Variants in SNX29 observed in about 807,000 individuals in gnomAD.
SNX29 encodes the protein sorting nexin-29.
A neutral mutation model predicts 102.1 loss-of-function variants in SNX29; 78 were observed. The observed-to-expected ratio is 0.76, with a 90% confidence interval of 0.64 to 0.92. The LOEUF (loss-of-function observed/expected upper bound fraction) is 0.92, where lower values mean the gene tolerates loss of function less well. Ranked by LOEUF, SNX29 falls within the 40% of genes least tolerant of loss-of-function variation. SNX29 has a pLI of 0.00. For synonymous variants in SNX29, 580 were observed against 414.5 expected, an observed-to-expected ratio of 1.40 and a Z score of -4.85; for missense variants, 1,280 against 1,061.7, an observed-to-expected ratio of 1.21 and a Z score of -2.86.
At chr16:12,562,464 T>C (rs1200960192) in intron 20 of SNX29, among the ~76,000 whole-genome samples, 3 of 152,166 alleles carry the variant, frequency 2.0e-5, no homozygotes, top group Non-Finnish European at 4.4e-5. Flanking sequence ...TCCCCCTTCA[T>C]AGGCTAGGAA....
chr16:12,116,588 C>T (rs1379820708), intron 11 of SNX29, among the ~76,000 whole-genome samples: 2 of 152,182 alleles, frequency 1.3e-5, no homozygotes, highest in East Asian at 1.9e-4. Context: ...GCATGAGAAT[C>T]ACTTGAACCC....
At chr16:12,026,541 A>G (rs1020700672) in intron 3 of SNX29, among the ~76,000 whole-genome samples, 21 of 152,204 alleles carry the variant, frequency 1.4e-4, no homozygotes, top group African/African-American at 5.1e-4. Context: ...GAAGATTGCT[A>G]AGATCAAGTG....
chr16:12,105,888 G>C (rs1436248407), intron 11 of SNX29, among the ~76,000 whole-genome samples: 1 of 152,094 alleles, frequency 6.6e-6, no homozygotes, highest in East Asian at 1.9e-4. Context: ...TTGGGTGGGG[G>C]ACTGCGACCA....
intron 3 of SNX29, among the ~76,000 whole-genome samples, chr16:12,018,938 G>C (rs967927638): frequency 1.3e-5 from 2 of 151,518 alleles, no homozygotes; most frequent in Admixed American, 1.3e-4. Context: ...GGGTTAGAAA[G>C]ATTTAAATCT....
chr16:11,996,268 C>G (rs1198830205), intron 1 of SNX29, among the ~76,000 whole-genome samples: 1 of 152,062 alleles, frequency 6.6e-6, no homozygotes, highest in East Asian at 1.9e-4. Flanking sequence ...CCTGTAGTCC[C>G]AGCTACTCGG....
At chr16:12,227,899 TAAAAAAAAAAAAAAAAA>T (rs59381762) in intron 14 of SNX29, among the ~76,000 whole-genome samples, 1 of 71,558 alleles carries the variant, frequency 1.4e-5, no homozygotes, top group Non-Finnish European at 2.4e-5. Flanking sequence ...GACTCTGTCT[TAAAAAAAAAAAAAAAAA>T]AAAAAAAAAA....
chr16:12,126,359 A>G (rs1436872162), intron 11 of SNX29, among the ~76,000 whole-genome samples: 1 of 152,192 alleles, frequency 6.6e-6, no homozygotes, highest in Non-Finnish European at 1.5e-5. Context: ...ATCTCATTTT[A>G]TAGATAAGGG....
At chr16:12,117,394 C>T (rs8048030) in intron 11 of SNX29, among the ~76,000 whole-genome samples, 58 of 142,432 alleles carry the variant, frequency 4.1e-4, no homozygotes, top group African/African-American at 1.5e-3. Context: ...TGGAAACAGG[C>T]GTGGTCAATA....
intron 17 of SNX29, among the ~76,000 whole-genome samples, chr16:12,400,657 C>A (rs1002460857): frequency 6.6e-6 from 1 of 152,200 alleles, no homozygotes; most frequent in East Asian, 1.9e-4. Context: ...TCCAGTGTTC[C>A]TTTGTGGCAC....
At chr16:11,981,405 C>G (rs1484486407) in intron 1 of SNX29, among the ~76,000 whole-genome samples, 1 of 151,994 alleles carries the variant, frequency 6.6e-6, no homozygotes, top group Non-Finnish European at 1.5e-5. Flanking sequence ...TGCCTGGGCT[C>G]TTTTCACTTT....
chr16:12,539,623 C>G (rs533969928), intron 20 of SNX29, among the ~76,000 whole-genome samples: 44 of 152,320 alleles, frequency 2.9e-4, no homozygotes, highest in African/African-American at 1.0e-3. Context: ...GGACTGGATC[C>G]TATGCTAAAT....
At chr16:12,191,412 A>G (rs830709) in intron 13 of SNX29, among the ~76,000 whole-genome samples, 85,979 of 152,030 alleles carry the variant, frequency 0.57, 29,021 homozygotes, top group Non-Finnish European at 0.73. Context: ...TGCCAGGAAC[A>G]TGACTTACCT....
intron 16 of SNX29, among the ~76,000 whole-genome samples, chr16:12,391,916 A>G (rs2083544385): frequency 6.6e-6 from 1 of 152,238 alleles, no homozygotes; most frequent in African/African-American, 2.4e-5. Flanking sequence ...TTAACAAGTC[A>G]TGTACATGGT....
rs538246329 is a variant in SNX29, at chr16:12,111,082, G to A, written c.1403-15551G>A. Among the ~76,000 whole-genome samples, 9 of 152,252 alleles carry A rather than the reference G, an allele frequency of 5.9e-5. No homozygotes were observed. The South Asian group carries it at 1.5e-3, about 25-fold the overall frequency. The stretch of plus-strand genomic sequence containing the variant: ...CCACCTTGGCTTCTCAAAGTACTGC[G>A]ATTACACGTGTGGGCCAGAAAGCAG... On this transcript the variant is annotated intron_variant, in intron 11 of 20. Transcript: ENST00000566228.
At chr16:12,561,029 G>C in intron 20 of SNX29, 1 of 221,776 alleles carries the variant, frequency 4.5e-6, no homozygotes, top group Non-Finnish European at 9.0e-6. Context: ...GGAAGTCTTG[G>C]AGACCCATTT....
intron 1 of SNX29, among the ~76,000 whole-genome samples, chr16:11,987,227 G>T (rs1035311163): frequency 1.3e-5 from 2 of 151,646 alleles, no homozygotes; most frequent in Non-Finnish European, 2.9e-5. Flanking sequence ...ACCATACCTG[G>T]CTAATTTTTT....
In SNX29 at chr16:12,555,332, C is replaced by T. The variant is rs530178233; in HGVS notation, c.2319-13174C>T. ...CTCTCATAGCCCCAGTGTTTCTTGG[C>T]ACCTGAGAAACATGTTGGTTAACTT... On this transcript the variant is annotated intron_variant, in intron 20 of 20. Coordinates refer to ENST00000566228, the MANE Select transcript of SNX29 (RefSeq NM_032167.5). Among the ~76,000 whole-genome samples the T allele has an allele frequency of 9.2e-5, 14 of 151,946 alleles. 1 individual carries two copies. The South Asian group carries it at 1.9e-3, about 20-fold the overall frequency.
At chr16:12,038,042 G>T (rs1477944719) in intron 4 of SNX29, among the ~76,000 whole-genome samples, 1 of 152,050 alleles carries the variant, frequency 6.6e-6, no homozygotes, top group Non-Finnish European at 1.5e-5. Context: ...TGCACGTGTA[G>T]TAGTGATATT....
At chr16:12,510,342 G>C (rs1238944388) in intron 19 of SNX29, among the ~76,000 whole-genome samples, 1 of 152,100 alleles carries the variant, frequency 6.6e-6, no homozygotes, top group Non-Finnish European at 1.5e-5. Context: ...CAGCAGATGA[G>C]AGAGAGTCAG....
Sources: allele counts gnomAD v4.1 joint callset (sites outside exome capture counted in the v4.1 genomes callset), GRCh38; gene constraint gnomAD v4.1.1; transcripts MANE v1.5; gene names NCBI Gene and HGNC (gene_info 2026-07-23, HGNC 2026-07-21).